Variants in DNAJC13 observed in about 807,000 individuals in gnomAD.
The protein encoded by DNAJC13 is dnaJ homolog subfamily C member 13.
DNAJC13 carries 75 observed loss-of-function variants against 290.5 expected under a neutral mutation model. That is an observed-to-expected ratio of 0.26 (90% CI 0.21 to 0.31). DNAJC13 has a LOEUF of 0.31. Among genes scored for constraint, DNAJC13 ranks in the 10% least tolerant of loss-of-function variants. The pLI is 1.00. For missense variants in DNAJC13, 2,260 were observed against 2,674.5 expected (o/e 0.85, Z 3.42); for synonymous variants, 862 against 892.0 (o/e 0.97, Z 0.60).
At chr3:132,478,848 G>C (rs1559888363) in intron 24 of DNAJC13, among the ~76,000 whole-genome samples, 1 of 152,170 alleles carries the variant, frequency 6.6e-6, no homozygotes, top group South Asian at 2.1e-4. Context: ...TTTGATTGCT[G>C]CCTGTTTGTT....
chr3:132,518,149 G>C (rs893320653), intron 48 of DNAJC13, among the ~76,000 whole-genome samples: 2 of 152,170 alleles, frequency 1.3e-5, no homozygotes, highest in African/African-American at 4.8e-5. Context: ...ATGTTGGCGT[G>C]CTGCACCCAT....
Position 132,479,207 on chromosome 3 carries a change from A to G in DNAJC13, c.2710-20A>G. ...TTTATTTCTATTCACTTCTGACCAG[A>G]TTCTCATTTATTTCAATAGTGCACA... On this transcript the variant is annotated intron_variant, in intron 24 of 55. Transcript: ENST00000260818. 6.5e-7 allele frequency: 1 copy of G among 1,549,672 alleles called. No homozygotes were observed. The highest frequency in any genetic ancestry group is 8.9e-7 in the Non-Finnish European group (1 of 1,125,130).
intron 2 of DNAJC13, 82 bp downstream of exon 2, chr3:132,434,700 A>G: frequency 8.9e-7 from 1 of 1,127,534 alleles, no homozygotes; most frequent in Non-Finnish European, 1.3e-6. Context: ...CTTGAATAAT[A>G]CTGCACAACT....
In DNAJC13 at chr3:132,538,482, A is replaced by G. The variant is rs781290736; in HGVS notation, c.*200A>G. On this transcript the variant is annotated 3_prime_UTR_variant, in exon 56 of 56. Transcript: ENST00000260818. The stretch of plus-strand genomic sequence containing the variant: ...ATAAGAAAGCACTCTGTGGATCAAC[A>G]TAAGTGGGTACACAAGAATTTTTTT... 62 of 451,260 alleles carry G rather than the reference A, an allele frequency of 1.4e-4. No homozygotes were observed. Among genetic ancestry groups the G allele is most frequent in the Non-Finnish European group, 1.9e-4 (49 of 257,964 alleles). 28.0% of individuals were successfully genotyped at this position (451,260 alleles called of 1,614,324 possible). A position where few individuals can be genotyped will look rare whatever the true frequency, so the allele number is the denominator to read the frequency against.
intron 12 of DNAJC13, 28 bp from the exon 13 acceptor site, chr3:132,457,241 A>G (rs748005349): frequency 6.6e-7 from 1 of 1,514,166 alleles, no homozygotes; most frequent in South Asian, 1.2e-5. Flanking sequence ...TGGTATTGCT[A>G]GTATATGCTT....
chr3:132,461,014 C>T, intron 14 of DNAJC13, 36 bp from the exon 15 acceptor site: 3 of 1,599,792 alleles, frequency 1.9e-6, no homozygotes, highest in South Asian at 2.2e-5. Flanking sequence ...GTCCCCATCT[C>T]TTAAGTCTTT....
At position 132,450,714 on chromosome 3, in the gene DNAJC13, G is replaced by A. The variant is rs781618558; in HGVS notation, c.404G>A (p.Gly135Glu). The A allele has an allele frequency of 1.2e-6, 2 of 1,613,276 alleles. No individual in the cohort carries two copies. Among genetic ancestry groups the A allele is most frequent in the South Asian group, 1.1e-5 (1 of 91,052 alleles). Residue 135 changes from glycine (G) to glutamate (E), a missense_variant, in exon 6 of 56, where the codon GGA becomes GAA. Physicochemically the swap from Gly to Glu is moderately conservative, Grantham distance 98. Around this residue, in one of 3 missense-constraint regions of DNAJC13, gnomAD observed 762 missense variants for 964.1 expected, o/e 0.79. Transcript: ENST00000260818. ...RKPVILEVTP[G>E]GFDQINPATN... ...CCTGTAATTTTGGAAGTAACTCCAGGAGGCTTTGACCAAATTAATCCTGCA... is the reference window on the plus strand; with the variant it reads ...CCTGTAATTTTGGAAGTAACTCCAGAAGGCTTTGACCAAATTAATCCTGCA...
At chr3:132,536,976 T>C (rs1476821674) in intron 55 of DNAJC13, among the ~76,000 whole-genome samples, 1 of 152,210 alleles carries the variant, frequency 6.6e-6, no homozygotes, top group African/African-American at 2.4e-5. Flanking sequence ...TCTCTGCCTA[T>C]GTATCTATAC....
intron 32 of DNAJC13, 58 bp downstream of exon 32, chr3:132,491,109 C>T (rs1935046573): frequency 6.4e-6 from 9 of 1,402,282 alleles, no homozygotes; most frequent in East Asian, 2.4e-5. Context: ...TGCTGCTCGC[C>T]ATCTGCTTTG....
In DNAJC13 at chr3:132,525,606, G is replaced by C; in HGVS notation, c.6061-4G>C. ...GTTGATTTATTTTTGTTTTACACCT[G>C]CAGGGAGAAACTCTGGAAACCTTGA... is the stretch of plus-strand genomic sequence containing the variant. On this transcript the variant is annotated splice_region_variant and splice_polypyrimidine_tract_variant and intron_variant, in intron 51 of 55. Coordinates refer to ENST00000260818, the MANE Select transcript of DNAJC13 (RefSeq NM_015268.4). 1 of 1,613,386 alleles carries C rather than the reference G, an allele frequency of 6.2e-7. No individual in the cohort carries two copies. The highest frequency in any genetic ancestry group is 8.5e-7 in the Non-Finnish European group (1 of 1,179,726).
chr3:132,499,209 A>G lies in DNAJC13; in HGVS notation c.4240A>G (p.Lys1414Glu). ...AACTTCAGATGACCTCCTTTTCTCAAAAGAATCACCATTGTTGCCTGCGGC... is the reference window on the plus strand; with the variant it reads ...AACTTCAGATGACCTCCTTTTCTCAGAAGAATCACCATTGTTGCCTGCGGC... The part of the protein sequence containing the change: ...METSDDLLFS[K>E]ESPLLPAATE... Residue 1414 changes from lysine (K) to glutamate (E), a missense_variant, in exon 37 of 56, where the codon AAA becomes GAA. Physicochemically the swap from Lys to Glu is moderately conservative, Grantham distance 56 (BLOSUM62 1). Transcript: ENST00000260818. The G allele has an allele frequency of 6.2e-7, 1 of 1,614,104 alleles. No homozygotes were observed. The highest frequency in any genetic ancestry group is 8.5e-7 in the Non-Finnish European group (1 of 1,179,970).
rs1396838540 is a variant in DNAJC13, at chr3:132,474,946, A to T, written c.2306A>T (p.His769Leu). The T allele has an allele frequency of 6.2e-7, 1 of 1,605,524 alleles. No individual in the cohort carries two copies. Among genetic ancestry groups the T allele is most frequent in the African/African-American group, 1.3e-5 (1 of 74,206 alleles). The part of the protein sequence containing the change: ...DLFYYRFGQD[H>L]ARSNLIWNFK... ...TGTATGTCTAGGTTTGGTCAAGACC[A>T]TGCCAGGTCAAACCTTATTTGGAAT... Residue 769 changes from histidine to leucine, a missense_variant, in exon 22 of 56, where the codon CAT becomes CTT. By Grantham distance (99) the His-to-Leu change is moderately conservative (BLOSUM62 -3). Transcript: ENST00000260818.
chr3:132,521,854 T>G (rs1214206023), intron 48 of DNAJC13, among the ~76,000 whole-genome samples: 1 of 152,324 alleles, frequency 6.6e-6, no homozygotes, highest in African/African-American at 2.4e-5. Context: ...ACAAATGCCC[T>G]TCCATGGGAA....
intron 54 of DNAJC13, among the ~76,000 whole-genome samples, chr3:132,529,661 C>A (rs942098871): frequency 2.0e-5 from 3 of 152,000 alleles, no homozygotes; most frequent in African/African-American, 7.2e-5. Flanking sequence ...GTGGCAGGCG[C>A]CTGTAGTCCC....
rs143785344 is a variant in DNAJC13, at chr3:132,443,433, G to C, written c.69-3042G>C. Among the ~76,000 whole-genome samples, 163 of 152,290 alleles carry C rather than the reference G, an allele frequency of 1.1e-3. 2 individuals carry two copies. In the East Asian group the frequency reaches 0.029, roughly 27 times the overall value. On this transcript the variant is annotated intron_variant, in intron 2 of 55. Transcript: ENST00000260818. ...CTCCCAAAGTGCTGGGATTACAGGT[G>C]TGAGTCATTGTGCTTTGCTGGTAAA...
chr3:132,496,153 T>C lies in DNAJC13; in HGVS notation c.4021-375T>C, dbSNP rs183102925. ...AATGAGGATGATAATGGTACACACT[T>C]TACATGGCTGTTTGAGGATTAAGTG... is the stretch of plus-strand genomic sequence containing the variant. On this transcript the variant is annotated intron_variant, in intron 35 of 55. Coordinates refer to ENST00000260818, the MANE Select transcript of DNAJC13 (RefSeq NM_015268.4). Among the ~76,000 whole-genome samples the C allele has an allele frequency of 1.5e-3, 231 of 152,254 alleles. 2 individuals are homozygous for C. The highest frequency in any genetic ancestry group is 4.1e-3 in the African/African-American group (170 of 41,562).
intron 55 of DNAJC13, among the ~76,000 whole-genome samples, chr3:132,533,333 C>CTTTTTTT (rs1180651951): frequency 4.3e-5 from 5 of 115,712 alleles, no homozygotes; most frequent in Admixed American, 1.9e-4. Context: ...TGCCCGCCCT[C>CTTTTTTT]TTTTTTTTTT....
At chr3:132,462,815 A>G (rs1051144310) in intron 16 of DNAJC13, among the ~76,000 whole-genome samples, 1 of 152,110 alleles carries the variant, frequency 6.6e-6, no homozygotes. Context: ...CTTTTTTGGA[A>G]GGATAATGTT....
chr3:132,513,066 T>C lies in DNAJC13; in HGVS notation c.5352T>C (p.His1784=). ...TGATATTTTCTCTTCTCCGAGTTCA[T>C]GGAGCTGGTCAAGTGCAGCAGTTGG... ...FKLIFSLLRV[H]GAGQVQQLAL... The change falls in exon 45 of 56, where the codon CAT becomes CAC. Residue 1784 remains histidine, a synonymous_variant. Coordinates refer to ENST00000260818, the MANE Select transcript of DNAJC13 (RefSeq NM_015268.4). 6.2e-7 allele frequency: 1 copy of C among 1,613,400 alleles called. No homozygotes were observed. The highest frequency in any genetic ancestry group is 1.1e-5 in the South Asian group (1 of 91,070).
Sources: allele counts gnomAD v4.1 joint callset (sites outside exome capture counted in the v4.1 genomes callset), GRCh38; gene constraint gnomAD v4.1.1; regional missense constraint gnomAD v4.1.1; transcripts MANE v1.5; gene names NCBI Gene and HGNC (gene_info 2026-07-23, HGNC 2026-07-21).